The following ERBIN variants were observed in gnomAD, a reference collection of about 807,000 sequenced individuals.
ERBIN encodes densin-180-like protein.
ERBIN carries 60 observed loss-of-function variants against 158.4 expected under a neutral mutation model. That is an observed-to-expected ratio of 0.38 (90% CI 0.31 to 0.47). The LOEUF (loss-of-function observed/expected upper bound fraction) is 0.47, where lower values mean the gene tolerates loss of function less well. Among genes scored for constraint, ERBIN ranks in the 20% least tolerant of loss-of-function variants. The probability of loss-of-function intolerance (pLI) is 0.99; values close to 1 mark genes in which losing one functional copy is unlikely to be tolerated. For synonymous variants in ERBIN, 594 were observed against 557.2 expected, an observed-to-expected ratio of 1.07 and a Z score of -0.93; for missense variants, 1,610 against 1,648.0, an observed-to-expected ratio of 0.98 and a Z score of 0.40.
chr5:66,058,944 T>C (rs1391415557), intron 21 of ERBIN, among the ~76,000 whole-genome samples: 1 of 152,238 alleles, frequency 6.6e-6, no homozygotes, highest in East Asian at 1.9e-4. Flanking sequence ...TGTAGCCTTG[T>C]AGTGTAGTTT....
At chr5:66,034,812 G>C (rs1429037638) in intron 14 of ERBIN, among the ~76,000 whole-genome samples, 2 of 152,124 alleles carry the variant, frequency 1.3e-5, no homozygotes, top group African/African-American at 4.8e-5. Flanking sequence ...AGGATTTTGG[G>C]CTGTAGTTTT....
chr5:65,978,411 T>G (rs1168967927), intron 1 of ERBIN, among the ~76,000 whole-genome samples: 1 of 152,208 alleles, frequency 6.6e-6, no homozygotes, highest in Non-Finnish European at 1.5e-5. Context: ...TCTTGTTTCC[T>G]AAGTTACATC....
At chr5:65,960,382 G>A (rs762393993) in intron 1 of ERBIN, among the ~76,000 whole-genome samples, 1 of 152,214 alleles carries the variant, frequency 6.6e-6, no homozygotes, top group South Asian at 2.1e-4. Context: ...TAGTGGAAAT[G>A]TCCTGTATCT....
rs781736340 is a variant in ERBIN, at chr5:65,994,788, A to G, written c.231A>G (p.Pro77=). The G allele has an allele frequency of 7.5e-6, 12 of 1,609,128 alleles. No individual in the cohort carries two copies. Among genetic ancestry groups the G allele is most frequent in the Non-Finnish European group, 2.5e-6 (3 of 1,178,600 alleles). ...AGTCTTTACACAAACTGAGTTTGCC[A>G]GACAATGATTTAACAACGTTACCAG... is the stretch of plus-strand genomic sequence containing the variant. ...NCQSLHKLSL[P]DNDLTTLPAS... is the part of the protein sequence containing the mutation. The change falls in exon 4 of 26, where the codon CCA becomes CCG. Residue 77 remains proline, a synonymous_variant. Coordinates refer to ENST00000284037, the MANE Select transcript of ERBIN (RefSeq NM_001253697.2).
At chr5:65,953,622 C>T (rs370442951) in intron 1 of ERBIN, among the ~76,000 whole-genome samples, 2 of 152,150 alleles carry the variant, frequency 1.3e-5, no homozygotes, top group African/African-American at 4.8e-5. Flanking sequence ...AAATGTAGTA[C>T]AAACATTGTG....
At chr5:66,025,742 C>G in intron 11 of ERBIN, 106 bp from the exon 12 acceptor site, 1 of 950,038 alleles carries the variant, frequency 1.1e-6, no homozygotes, top group Non-Finnish European at 1.5e-6. Context: ...GAAATGGTTT[C>G]ACTAGGTTTT....
chr5:65,941,202 A>C (rs968122361), intron 1 of ERBIN, among the ~76,000 whole-genome samples: 9 of 151,938 alleles, frequency 5.9e-5, no homozygotes, highest in Admixed American at 2.6e-4. Context: ...GGTCCTCTGC[A>C]TATGAAAACC....
intron 1 of ERBIN, among the ~76,000 whole-genome samples, chr5:65,953,478 G>A (rs574239038): frequency 1.4e-4 from 21 of 152,216 alleles, no homozygotes; most frequent in African/African-American, 4.1e-4. Flanking sequence ...AGGAATCCAG[G>A]GCTTGAGCCA....
At chr5:65,980,758 C>T (rs1750566817) in intron 1 of ERBIN, among the ~76,000 whole-genome samples, 1 of 151,894 alleles carries the variant, frequency 6.6e-6, no homozygotes, top group South Asian at 2.1e-4. Context: ...AGGATCCATT[C>T]ACCAAGAAGA....
intron 1 of ERBIN, among the ~76,000 whole-genome samples, chr5:65,940,484 C>T (rs747603793): frequency 7.6e-5 from 10 of 132,156 alleles, no homozygotes; most frequent in Non-Finnish European, 1.5e-4. Context: ...AGTCCCCCCC[C>T]CCCCGGCCAG....
Position 66,038,403 on chromosome 5 carries a change from T to C in ERBIN, c.1227T>C (p.Leu409=), listed in dbSNP as rs1757604311. 2.5e-6 allele frequency: 4 copies of C among 1,611,756 alleles called. No homozygotes were observed. Among genetic ancestry groups the C allele is most frequent in the Admixed American group, 1.7e-5 (1 of 59,846 alleles). Reference sequence around the variant, plus strand: ...TCTAGTCCAAACCCCTGATACCTCTTCAAAAAGAAACTGATTCAGAGACCC... The same window carrying C: ...TCTAGTCCAAACCCCTGATACCTCTCCAAAAAGAAACTGATTCAGAGACCC... ...SDNQSKPLIP[L]QKETDSETQK... The change falls in exon 15 of 26, where the codon CTT becomes CTC. Residue 409 remains leucine, a synonymous_variant. Transcript: ENST00000284037.
At chr5:66,028,736 C>G (rs1756541160) in intron 14 of ERBIN, among the ~76,000 whole-genome samples, 1 of 152,114 alleles carries the variant, frequency 6.6e-6, no homozygotes, top group Non-Finnish European at 1.5e-5. Flanking sequence ...CAGTAGAGCT[C>G]TTGAACTTAT....
rs1038016928 is a variant in ERBIN, at chr5:66,039,465, A to G, written c.1306+983A>G. ...CCTTACTTCCTATTTTCCAGAAATC[A>G]TCTTCAGAGACAAAGAAAAGTAGGA... On this transcript the variant is annotated intron_variant, in intron 15 of 25. Transcript: ENST00000284037. Among the ~76,000 whole-genome samples the G allele has an allele frequency of 3.3e-5, 5 of 151,992 alleles. 1 individual carries two copies. Among genetic ancestry groups the G allele is most frequent in the Non-Finnish European group, 7.4e-5 (5 of 67,860 alleles).
At chr5:65,965,244 A>G (rs1381021328) in intron 1 of ERBIN, among the ~76,000 whole-genome samples, 1 of 151,906 alleles carries the variant, frequency 6.6e-6, no homozygotes, top group Non-Finnish European at 1.5e-5. Context: ...GTCATCTTAC[A>G]TAATTGTTTC....
At chr5:66,075,356 T>TA in intron 23 of ERBIN, 126 bp downstream of exon 23, 1 of 795,956 alleles carries the variant, frequency 1.3e-6, no homozygotes, top group Non-Finnish European at 2.0e-6. Flanking sequence ...GTTTTATTTT[T>TA]ATGTTACGTT....
intron 4 of ERBIN, among the ~76,000 whole-genome samples, chr5:66,002,060 C>T (rs927251615): frequency 6.6e-6 from 1 of 152,020 alleles, no homozygotes; most frequent in Admixed American, 6.6e-5. Context: ...CAAGAACATG[C>T]GGCGTTTGAT....
At chr5:65,977,996 C>T in intron 1 of ERBIN, among the ~76,000 whole-genome samples, 1 of 55,488 alleles carries the variant, frequency 1.8e-5, no homozygotes, top group East Asian at 4.5e-4. Flanking sequence ...AGCGAGAAAG[C>T]TATTTCTAGG....
intron 1 of ERBIN, among the ~76,000 whole-genome samples, chr5:65,945,514 G>A (rs1446916135): frequency 6.6e-6 from 1 of 152,148 alleles, no homozygotes; most frequent in African/African-American, 2.4e-5. Context: ...CTGGTAATTT[G>A]TTTTGGGTCC....
chr5:65,932,880 T>C (rs567749955), intron 1 of ERBIN, among the ~76,000 whole-genome samples: 1 of 152,306 alleles, frequency 6.6e-6, no homozygotes, highest in African/African-American at 2.4e-5. Context: ...CACTGCAGCC[T>C]CGGACTCCTG....
Sources: allele counts gnomAD v4.1 joint callset (sites outside exome capture counted in the v4.1 genomes callset), GRCh38; gene constraint gnomAD v4.1.1; transcripts MANE v1.5; gene names NCBI Gene and HGNC (gene_info 2026-07-23, HGNC 2026-07-21).